The following VEPH1 variants were observed in gnomAD, a reference collection of about 807,000 sequenced individuals.
The protein encoded by VEPH1 is ventricular zone-expressed PH domain-containing protein homolog 1.
A neutral mutation model predicts 85.2 loss-of-function variants in VEPH1; 80 were observed. The observed-to-expected ratio is 0.94, with a 90% CI of 0.78 to 1.13. The LOEUF (loss-of-function observed/expected upper bound fraction) is 1.13, where lower values mean the gene tolerates loss of function less well. Ranked by LOEUF, VEPH1 falls within the 50% of genes most tolerant of loss-of-function variation. The pLI is 0.00. For missense variants in VEPH1, 955 were observed against 980.5 expected, an observed-to-expected ratio of 0.97 and a Z score of 0.35; for synonymous variants, 297 against 348.0, an observed-to-expected ratio of 0.85 and a Z score of 1.63.
chr3:157,369,180 G>GAAGAAA (rs1553773036), intron 7 of VEPH1, among the ~76,000 whole-genome samples: 1 of 42,778 alleles, frequency 2.3e-5, no homozygotes, highest in African/African-American at 8.4e-5. Flanking sequence ...AAAACCAAAT[G>GAAGAAA]AAAAAAAAAA....
chr3:157,381,898 A>G (rs1728826905), intron 6 of VEPH1, among the ~76,000 whole-genome samples: 1 of 152,160 alleles, frequency 6.6e-6, no homozygotes, highest in African/African-American at 2.4e-5. Context: ...AGGACAGACT[A>G]ATATGCAAAC....
At chr3:157,477,994 G>A (rs940416906) in intron 2 of VEPH1, among the ~76,000 whole-genome samples, 3 of 152,172 alleles carry the variant, frequency 2.0e-5, no homozygotes, top group Non-Finnish European at 4.4e-5. Context: ...GAACAGTTCT[G>A]GGGTAGACTA....
intron 12 of VEPH1, among the ~76,000 whole-genome samples, chr3:157,277,160 G>T (rs750780894): frequency 3.9e-5 from 6 of 152,094 alleles, no homozygotes; most frequent in Admixed American, 1.3e-4. Context: ...CAAAATGCTG[G>T]GATTACAGAT....
At chr3:157,295,184 T>A (rs1478660774) in intron 11 of VEPH1, among the ~76,000 whole-genome samples, 1 of 152,180 alleles carries the variant, frequency 6.6e-6, no homozygotes, top group African/African-American at 2.4e-5. Context: ...AAAAGGAAAC[T>A]TAGGAGGTTA....
chr3:157,409,616 T>C, intron 6 of VEPH1: 6 of 985,328 alleles, frequency 6.1e-6, no homozygotes, highest in Non-Finnish European at 7.2e-6. Context: ...ACAACTCTTC[T>C]CTGCCGAATG....
At chr3:157,397,679 G>A (rs1260659070) in intron 6 of VEPH1, among the ~76,000 whole-genome samples, 1 of 152,058 alleles carries the variant, frequency 6.6e-6, no homozygotes, top group Non-Finnish European at 1.5e-5. Flanking sequence ...TCTCTTTGTA[G>A]CAATTGTGAA....
At chr3:157,326,734 C>G (rs987836750) in intron 9 of VEPH1, among the ~76,000 whole-genome samples, 1 of 152,170 alleles carries the variant, frequency 6.6e-6, no homozygotes, top group African/African-American at 2.4e-5. Flanking sequence ...CACATTTGGG[C>G]TTTGGCCTGG....
intron 2 of VEPH1, among the ~76,000 whole-genome samples, chr3:157,491,964 G>A (rs1036496573): frequency 3.3e-5 from 5 of 152,102 alleles, no homozygotes; most frequent in Admixed American, 2.6e-4. Context: ...AATAAATTAG[G>A]ACTATTCCAA....
chr3:157,322,733 G>A lies in VEPH1; in HGVS notation c.1736-5532C>T, dbSNP rs114844708. 9.8e-3 allele frequency among the ~76,000 whole-genome samples: 1,495 copies of A among 152,222 alleles called. 21 individuals are homozygous for A. Among genetic ancestry groups the A allele is most frequent in the African/African-American group, 0.034 (1,418 of 41,536 alleles). ...TTTCTTCTGCCTACTTGACACTAGC[G>A]TGACAGGAACCCTTGAAGCAATTTC... On this transcript the variant is annotated intron_variant, in intron 9 of 13. Coordinates refer to ENST00000362010, the MANE Select transcript of VEPH1 (RefSeq NM_001167912.2).
At chr3:157,285,523 G>A (rs1288027231) in intron 12 of VEPH1, among the ~76,000 whole-genome samples, 1 of 152,210 alleles carries the variant, frequency 6.6e-6, no homozygotes, top group Non-Finnish European at 1.5e-5. Context: ...ACCAGGTACA[G>A]GTGGTATAAT....
chr3:157,329,631 T>C (rs1322596393), intron 9 of VEPH1, among the ~76,000 whole-genome samples: 2 of 152,124 alleles, frequency 1.3e-5, no homozygotes, highest in African/African-American at 2.4e-5. Context: ...CTTTTTTTTT[T>C]TACTATTTCT....
intron 4 of VEPH1, among the ~76,000 whole-genome samples, chr3:157,430,360 A>G (rs1271521636): frequency 6.6e-6 from 1 of 152,174 alleles, no homozygotes; most frequent in African/African-American, 2.4e-5. Flanking sequence ...TTTTTTTCCT[A>G]TTCAACATTT....
chr3:157,261,391 A>G, intron 13 of VEPH1, 21 bp from the exon 14 acceptor site: 2 of 1,612,040 alleles, frequency 1.2e-6, no homozygotes, highest in East Asian at 4.5e-5. Context: ...TGGGAAGAAA[A>G]GAACATGGGC....
At chr3:157,386,242 T>A (rs1729275861) in intron 6 of VEPH1, among the ~76,000 whole-genome samples, 1 of 83,062 alleles carries the variant, frequency 1.2e-5, no homozygotes, top group Non-Finnish European at 2.1e-5. Context: ...CAAGTAAAAA[T>A]GGTTCCACAA....
Position 157,401,444 on chromosome 3 carries a change from C to T in VEPH1, c.906+12437G>A, listed in dbSNP as rs566409034. ...TCATTAGATAATTAGATGCAAGGTG[C>T]CTATTTTTCTTTGCACCTACTTATT... On this transcript the variant is annotated intron_variant, in intron 6 of 13. Coordinates refer to ENST00000362010, the MANE Select transcript of VEPH1 (RefSeq NM_001167912.2). Among the ~76,000 whole-genome samples, 12 of 152,182 alleles carry T rather than the reference C, an allele frequency of 7.9e-5. No homozygotes were observed. In the South Asian group the frequency reaches 1.9e-3, roughly 24 times the overall value.
chr3:157,381,858 T>C (rs1728822575), intron 6 of VEPH1, among the ~76,000 whole-genome samples: 1 of 152,226 alleles, frequency 6.6e-6, no homozygotes, highest in African/African-American at 2.4e-5. Context: ...AGTCTGCTTC[T>C]TTGAGATTTT....
At chr3:157,459,761 C>G (rs1735664147) in intron 4 of VEPH1, 1 of 1,446,408 alleles carries the variant, frequency 6.9e-7, no homozygotes, top group Non-Finnish European at 9.1e-7. Flanking sequence ...TACACATTTT[C>G]TGATGTATTT....
intron 1 of VEPH1, 85 bp from the exon 2 acceptor site, chr3:157,495,591 A>G: frequency 1.3e-6 from 1 of 793,350 alleles, no homozygotes; most frequent in South Asian, 4.6e-5. Context: ...GCGGAGAGAG[A>G]GAGAAAAAAG....
chr3:157,313,468 AC>A (rs1450844282), intron 11 of VEPH1, among the ~76,000 whole-genome samples, 152 bp downstream of exon 11: 3 of 152,156 alleles, frequency 2.0e-5, no homozygotes, highest in African/African-American at 7.2e-5. Flanking sequence ...CTACTATACC[AC>A]GTGAAAATAA....
Sources: allele counts gnomAD v4.1 joint callset (sites outside exome capture counted in the v4.1 genomes callset), GRCh38; gene constraint gnomAD v4.1.1; transcripts MANE v1.5; gene names NCBI Gene and HGNC (gene_info 2026-07-23, HGNC 2026-07-21).